The following NRXN3 variants were observed in gnomAD, a reference collection of about 807,000 sequenced individuals.
The protein encoded by NRXN3 is neurexin III.
In NRXN3, 32 loss-of-function variants were observed where a neutral mutation model predicts 137.6. The observed-to-expected ratio is 0.23, with a 90% CI of 0.18 to 0.31. The LOEUF (loss-of-function observed/expected upper bound fraction) is 0.31. Ranked by LOEUF, NRXN3 falls within the 10% of genes least tolerant of loss-of-function variation. The pLI is 1.00. For synonymous variants in NRXN3, 798 were observed against 784.5 expected, an observed-to-expected ratio of 1.02 and a Z score of -0.29; for missense variants, 1,574 against 2,062.5, an observed-to-expected ratio of 0.76 and a Z score of 4.59.
Position 78,355,244 on chromosome 14 carries a change from G to C in NRXN3, c.757+57384G>C, listed in dbSNP as rs572036296. Reference sequence around the variant, plus strand: ...TAGGATGAAAACAAAACCATATAAGGCTGCCTATCTTGTTCCCTTATCTCT... The same window carrying C: ...TAGGATGAAAACAAAACCATATAAGCCTGCCTATCTTGTTCCCTTATCTCT... On this transcript the variant is annotated intron_variant, in intron 4 of 20. Transcript: ENST00000335750. Among the ~76,000 whole-genome samples the C allele has an allele frequency of 5.9e-5, 9 of 152,226 alleles. No individual in the cohort carries two copies. In the South Asian group the frequency reaches 1.2e-3, roughly 21 times the overall value.
chr14:79,193,291 T>C (rs1332517854), intron 15 of NRXN3, among the ~76,000 whole-genome samples: 4 of 152,184 alleles, frequency 2.6e-5, no homozygotes, highest in African/African-American at 9.6e-5. Context: ...ACCCTCTGGA[T>C]CTGACTTTGG....
intron 16 of NRXN3, among the ~76,000 whole-genome samples, chr14:79,569,207 C>A (rs1245401527): frequency 1.3e-5 from 2 of 151,856 alleles, no homozygotes; most frequent in African/African-American, 2.4e-5. Flanking sequence ...TTAATACTAA[C>A]CTCCTACCAA....
rs112122668 is a variant in NRXN3 at position 79,275,641 on chromosome 14, T to C, written c.3263-191580T>C. On this transcript the variant is annotated intron_variant, in intron 15 of 20. Transcript: ENST00000335750. ...GCCAAAGAATCTCCAGACTATCACA[T>C]AGCCGAGGCACAGACCAAAACAAGA... Among the ~76,000 whole-genome samples, 840 of 151,802 alleles carry C rather than the reference T, an allele frequency of 5.5e-3. 10 individuals are homozygous for C. The highest frequency in any genetic ancestry group is 0.018 in the African/African-American group (755 of 41,308).
intron 1 of NRXN3, among the ~76,000 whole-genome samples, chr14:78,199,388 T>G (rs1050229779): frequency 6.6e-6 from 1 of 152,176 alleles, no homozygotes; most frequent in African/African-American, 2.4e-5. Context: ...TTCTTGAAAG[T>G]AGCAATAATA....
intron 15 of NRXN3, among the ~76,000 whole-genome samples, chr14:79,290,859 A>G (rs1168100210): frequency 2.6e-5 from 4 of 152,210 alleles, no homozygotes; most frequent in Admixed American, 6.5e-5. Context: ...TGGTTTTAAT[A>G]AAAGCTGAAA....
chr14:78,847,300 G>A (rs528068080), intron 10 of NRXN3, among the ~76,000 whole-genome samples: 5 of 152,122 alleles, frequency 3.3e-5, no homozygotes, highest in African/African-American at 2.4e-5. Context: ...AACCTGCCAC[G>A]GCTTGTGACT....
rs528681980 is a variant in NRXN3, at chr14:79,695,001, C to T, written c.3707-2629C>T. On this transcript the variant is annotated intron_variant, in intron 18 of 20. Transcript: ENST00000335750. ...TGTCTCACTCCATCAGTGTCTTATT[C>T]TCAAGAATTGATTAGTCAGATCTCT... 4.6e-5 allele frequency among the ~76,000 whole-genome samples: 7 copies of T among 152,090 alleles called. No individual in the cohort carries two copies. In the East Asian group the frequency reaches 1.4e-3, roughly 30 times the overall value.
At chr14:79,446,358 GAA>G (rs1284083114) in intron 15 of NRXN3, among the ~76,000 whole-genome samples, 1 of 152,048 alleles carries the variant, frequency 6.6e-6, no homozygotes, top group Admixed American at 6.6e-5. Flanking sequence ...CCCTTTTTCT[GAA>G]AGTCTTATCT....
chr14:78,627,244 A>G (rs951457424), intron 4 of NRXN3, among the ~76,000 whole-genome samples: 9 of 151,360 alleles, frequency 5.9e-5, no homozygotes, highest in African/African-American at 2.2e-4. Context: ...TTTTCCCTAG[A>G]CTTGAGCACA....
chr14:78,193,786 T>C (rs1221499612), intron 1 of NRXN3, among the ~76,000 whole-genome samples: 1 of 138,494 alleles, frequency 7.2e-6, no homozygotes. Flanking sequence ...AAAAAAGTTA[T>C]GTCTGAACTG....
At chr14:79,145,545 A>G (rs2059229004) in intron 15 of NRXN3, among the ~76,000 whole-genome samples, 1 of 152,176 alleles carries the variant, frequency 6.6e-6, no homozygotes, top group South Asian at 2.1e-4. Context: ...ACACAGATAC[A>G]TTTATATAAG....
intron 10 of NRXN3, among the ~76,000 whole-genome samples, chr14:78,867,537 G>A (rs1044645702): frequency 2.0e-5 from 3 of 152,174 alleles, no homozygotes; most frequent in Admixed American, 6.6e-5. Flanking sequence ...GAAGGAGGCC[G>A]TAGAAACTTG....
chr14:78,595,390 CT>C (rs898891928), intron 4 of NRXN3, among the ~76,000 whole-genome samples: 6 of 152,196 alleles, frequency 3.9e-5, no homozygotes, highest in African/African-American at 1.4e-4. Context: ...TAGTACAGTC[CT>C]GTGCACTCGT....
intron 15 of NRXN3, among the ~76,000 whole-genome samples, chr14:79,171,322 A>T (rs1323035035): frequency 6.6e-6 from 1 of 152,142 alleles, no homozygotes; most frequent in Non-Finnish European, 1.5e-5. Flanking sequence ...TTAATTTGGA[A>T]TAGGGGGAAT....
At chr14:79,677,571 G>A (rs2154007059) in intron 17 of NRXN3, among the ~76,000 whole-genome samples, 1 of 152,110 alleles carries the variant, frequency 6.6e-6, no homozygotes, top group Admixed American at 6.6e-5. Flanking sequence ...TTGTTCTCAG[G>A]GAGCAATTGA....
At position 79,663,954 on chromosome 14, in the gene NRXN3, A is replaced by T; in HGVS notation, c.3616+5A>T. On this transcript the variant is annotated splice_donor_5th_base_variant and intron_variant, in intron 17 of 20. Transcript: ENST00000335750. ...TGAATGAACATTATCCTACAGGTAC[A>T]TGTTGTTCGCTCAATGGTCCTACTC... is the stretch of plus-strand genomic sequence containing the variant. The T allele has an allele frequency of 6.2e-7, 1 of 1,613,178 alleles. No homozygotes were observed. Among genetic ancestry groups the T allele is most frequent in the Non-Finnish European group, 8.5e-7 (1 of 1,179,436 alleles).
chr14:79,157,160 T>A (rs1200354804), intron 15 of NRXN3, among the ~76,000 whole-genome samples: 1 of 151,856 alleles, frequency 6.6e-6, no homozygotes, highest in East Asian at 1.9e-4. Flanking sequence ...AGACAGGACA[T>A]GCTTAGAACC....
chr14:79,432,526 AAGTACTAACCT>A (rs1343240808), intron 15 of NRXN3, among the ~76,000 whole-genome samples: 4 of 152,162 alleles, frequency 2.6e-5, no homozygotes. Flanking sequence ...TATTGTGTTA[AAGTACTAACCT>A]TGAGAAGACC....
intron 4 of NRXN3, among the ~76,000 whole-genome samples, chr14:78,608,252 C>T (rs1040414051): frequency 6.6e-6 from 1 of 152,086 alleles, no homozygotes; most frequent in African/African-American, 2.4e-5. Context: ...AATGTTACAA[C>T]TTCCCACCCC....
Sources: gnomAD v4.1 joint callset for allele counts (sites outside exome capture counted in the v4.1 genomes callset) on GRCh38, gnomAD v4.1.1 for gene constraint, MANE v1.5 for transcripts, NCBI Gene and HGNC (gene_info 2026-07-23, HGNC 2026-07-21) for gene names.